UAP1: variants seen among roughly 807,000 people sequenced by gnomAD.
The protein encoded by UAP1 is UDP-N-acetylglucosamine pyrophosphorylase 1, also known as UDP-N-acetylhexosamine pyrophosphorylase.
Under a neutral mutation model 58.5 loss-of-function variants are expected in UAP1, and 25 were observed. That is an observed-to-expected ratio of 0.43 (90% CI 0.31 to 0.60). The LOEUF (loss-of-function observed/expected upper bound fraction) is 0.60. Ranked by LOEUF, UAP1 falls within the 20% of genes least tolerant of loss-of-function variation. UAP1 has a pLI of 0.11. For synonymous variants in UAP1, 208 were observed against 213.0 expected (o/e 0.98, Z 0.21); for missense variants, 575 against 630.0 (o/e 0.91, Z 0.93).
At chr1:162,575,816 T>G (rs1451445568) in intron 2 of UAP1, among the ~76,000 whole-genome samples, 2 of 152,060 alleles carry the variant, frequency 1.3e-5, no homozygotes, top group African/African-American at 4.8e-5. Flanking sequence ...TTCTCCTGTT[T>G]CAGCCTACAG....
At chr1:162,571,768 C>T (rs956795196) in intron 2 of UAP1, among the ~76,000 whole-genome samples, 4 of 152,134 alleles carry the variant, frequency 2.6e-5, no homozygotes, top group Non-Finnish European at 4.4e-5. Context: ...CATCATAAGA[C>T]AGATACTAAT....
exon 2 of UAP1, chr1:162,566,309 A>T (rs375954138): frequency 1.2e-6 from 2 of 1,614,180 alleles, no homozygotes; most frequent in African/African-American, 1.3e-5. Context: ...AGGCAGTGCT[A>T]CAAGGGATCA....
At chr1:162,574,462 C>G (rs958389683) in intron 2 of UAP1, among the ~76,000 whole-genome samples, 3 of 152,126 alleles carry the variant, frequency 2.0e-5, no homozygotes, top group African/African-American at 4.8e-5. Context: ...ATGTCAAAAA[C>G]AAAGCACAAA....
chr1:162,589,168 TATAA>T lies in UAP1; in HGVS notation c.1169+339_1169+342del, dbSNP rs1231381995. Among the ~76,000 whole-genome samples the T allele has an allele frequency of 2.7e-3, 280 of 104,354 alleles. 6 individuals are homozygous for T. In the East Asian group the frequency reaches 0.054, roughly 20 times the overall value. The allele number at this position is 104,354 out of a possible 152,430, so 68.5% of individuals were successfully genotyped here. On this transcript the variant is annotated intron_variant, in intron 7 of 10. Transcript: ENST00000271469. ...TATATAATATATATTATATATAATA[TATAA>T]ATATTATATATAATATATATTATAT... is the stretch of plus-strand genomic sequence containing the variant.
exon 4 of UAP1, chr1:162,579,479 C>A: frequency 6.2e-7 from 1 of 1,608,566 alleles, no homozygotes; most frequent in Non-Finnish European, 8.5e-7. Context: ...AGTTCTTCAC[C>A]AAGCACAAGT....
At chr1:162,580,747 C>T (rs1417654694) in intron 4 of UAP1, among the ~76,000 whole-genome samples, 1 of 152,172 alleles carries the variant, frequency 6.6e-6, no homozygotes, top group Non-Finnish European at 1.5e-5. Flanking sequence ...GGACAAAGTA[C>T]ATTAAAGCAG....
chr1:162,563,512 G>A (rs1028328183), intron 1 of UAP1, among the ~76,000 whole-genome samples: 6 of 152,000 alleles, frequency 3.9e-5, no homozygotes, highest in African/African-American at 9.7e-5. Flanking sequence ...CTACAGGCGC[G>A]TGCCACCATG....
chr1:162,575,634 G>A (rs1168976140), intron 2 of UAP1, among the ~76,000 whole-genome samples: 2 of 151,172 alleles, frequency 1.3e-5, no homozygotes, highest in Non-Finnish European at 2.9e-5. Flanking sequence ...GTTTCGCCAT[G>A]TTGGCCAGCC....
intron 2 of UAP1, among the ~76,000 whole-genome samples, chr1:162,567,695 C>T (rs547955341): frequency 6.6e-6 from 1 of 152,118 alleles, no homozygotes; most frequent in Non-Finnish European, 1.5e-5. Flanking sequence ...TATTTTATTG[C>T]AAAAATAATA....
At chr1:162,597,986 A>G in intron 10 of UAP1, 128 bp downstream of exon 10, 1 of 770,630 alleles carries the variant, frequency 1.3e-6, no homozygotes, top group Non-Finnish European at 2.1e-6. Context: ...AGATATGTTA[A>G]TTGGCTTTAT....
chr1:162,600,660 T>G (rs76158897), downstream of UAP1, among the ~76,000 whole-genome samples: 2 of 151,900 alleles, frequency 1.3e-5, no homozygotes, highest in Non-Finnish European at 2.9e-5. Context: ...TTTTTTTTTT[T>G]GAAGAGCATG....
chr1:162,589,831 G>A (rs1655189330), intron 7 of UAP1, among the ~76,000 whole-genome samples: 1 of 152,134 alleles, frequency 6.6e-6, no homozygotes, highest in African/African-American at 2.4e-5. Flanking sequence ...AATTAGGTGG[G>A]CGTGGTGGTG....
chr1:162,588,957 TGTGA>T, intron 7 of UAP1, 124 bp downstream of exon 7: 2 of 976,404 alleles, frequency 2.0e-6, no homozygotes, highest in South Asian at 2.2e-5. Context: ...GCATTTTGAT[TGTGA>T]GTATGTAGTC....
intron 2 of UAP1, 101 bp from the exon 3 acceptor site, chr1:162,576,676 C>T (rs1459126925): frequency 9.0e-7 from 1 of 1,112,606 alleles, no homozygotes; most frequent in Non-Finnish European, 1.3e-6. Context: ...AGCTGTATAG[C>T]CTTACTTCCT....
At chr1:162,587,422 CA>C in intron 5 of UAP1, 52 bp from the exon 6 acceptor site, 2 of 1,494,794 alleles carry the variant, frequency 1.3e-6, no homozygotes, top group Non-Finnish European at 1.8e-6. Flanking sequence ...GGCAAATCTC[CA>C]AAGAAACATT....
intron 10 of UAP1, among the ~76,000 whole-genome samples, chr1:162,598,099 G>C (rs564008429): frequency 2.6e-5 from 4 of 152,206 alleles, no homozygotes; most frequent in Admixed American, 6.6e-5. Flanking sequence ...GGGCACAGTG[G>C]CTCACTCCTG....
intron 2 of UAP1, among the ~76,000 whole-genome samples, chr1:162,569,853 T>C (rs900200760): frequency 2.0e-5 from 3 of 152,182 alleles, no homozygotes; most frequent in African/African-American, 7.2e-5. Flanking sequence ...ATTTGTTTTA[T>C]TTTAAAAGTA....
At chr1:162,576,971 A>G (rs1175147515) in exon 3 of UAP1, 7 of 1,613,984 alleles carry the variant, frequency 4.3e-6, no homozygotes, top group Admixed American at 3.3e-5. Flanking sequence ...CAACAAATGC[A>G]TTATTCCATG....
At chr1:162,573,334 A>G (rs1344083671) in intron 2 of UAP1, among the ~76,000 whole-genome samples, 1 of 152,004 alleles carries the variant, frequency 6.6e-6, no homozygotes, top group Admixed American at 6.6e-5. Flanking sequence ...CCCTGGAGTC[A>G]GGTCCTAATC....
Sources: allele counts gnomAD v4.1 joint callset (sites outside exome capture counted in the v4.1 genomes callset), GRCh38; gene constraint gnomAD v4.1.1; transcripts MANE v1.5; gene names NCBI Gene and HGNC (gene_info 2026-07-23, HGNC 2026-07-21).